PRKAR2A: variants seen among roughly 807,000 people sequenced by gnomAD.
PRKAR2A encodes cAMP-dependent protein kinase type II-alpha regulatory subunit.
A neutral mutation model predicts 51.9 loss-of-function variants in PRKAR2A; 29 were observed. The ratio of observed to expected loss-of-function variants is 0.56; its 90% CI spans 0.42 to 0.76. The LOEUF is 0.76. Among genes scored for constraint, PRKAR2A ranks in the 30% least tolerant of loss-of-function variants. The probability of loss-of-function intolerance (pLI) is 0.00; values close to 1 mark genes in which losing one functional copy is unlikely to be tolerated. For synonymous variants in PRKAR2A, 178 were observed against 186.2 expected (o/e 0.96, Z 0.36); for missense variants, 445 against 512.1 (o/e 0.87, Z 1.26).
chr3:48,837,593 T>C (rs1277311668), intron 1 of PRKAR2A, among the ~76,000 whole-genome samples: 1 of 152,140 alleles, frequency 6.6e-6, no homozygotes, highest in East Asian at 1.9e-4. Flanking sequence ...ATTCTACTCC[T>C]ATGAGAAATG....
chr3:48,826,718 G>A (rs892632170), intron 1 of PRKAR2A, among the ~76,000 whole-genome samples: 8 of 151,748 alleles, frequency 5.3e-5, no homozygotes, highest in Non-Finnish European at 1.0e-4. Flanking sequence ...GATCCAAAAG[G>A]CTCATGAATA....
At chr3:48,797,161 TA>T (rs1351273167) in intron 2 of PRKAR2A, among the ~76,000 whole-genome samples, 5 of 151,720 alleles carry the variant, frequency 3.3e-5, no homozygotes, top group African/African-American at 1.2e-4. Flanking sequence ...TATTTATTTT[TA>T]TTATTATTAT....
chr3:48,821,964 C>T (rs1016909331), intron 1 of PRKAR2A, among the ~76,000 whole-genome samples: 47 of 150,298 alleles, frequency 3.1e-4, no homozygotes, highest in African/African-American at 1.1e-3. Flanking sequence ...CAGTGTCTCA[C>T]GCCTGTAATC....
chr3:48,771,215 A>C (rs979705114), intron 6 of PRKAR2A, among the ~76,000 whole-genome samples: 2 of 151,870 alleles, frequency 1.3e-5, no homozygotes, highest in Non-Finnish European at 2.9e-5. Flanking sequence ...AAAAGAAAGA[A>C]TGTGTTATTT....
At chr3:48,754,497 C>T (rs1385506436) in intron 9 of PRKAR2A, among the ~76,000 whole-genome samples, 2 of 151,920 alleles carry the variant, frequency 1.3e-5, no homozygotes, top group African/African-American at 2.4e-5. Context: ...ATCACATGGG[C>T]GCCGGTGGCT....
intron 1 of PRKAR2A, among the ~76,000 whole-genome samples, chr3:48,823,936 A>C (rs1420066678): frequency 6.6e-6 from 1 of 151,876 alleles, no homozygotes; most frequent in Non-Finnish European, 1.5e-5. Flanking sequence ...AAATAAGAAC[A>C]AGGGCCAGGG....
chr3:48,826,606 A>G (rs1309279822), intron 1 of PRKAR2A, among the ~76,000 whole-genome samples: 3 of 152,100 alleles, frequency 2.0e-5, no homozygotes, highest in South Asian at 4.1e-4. Context: ...TTCTCTCCCC[A>G]GAGATTAGAC....
intron 2 of PRKAR2A, among the ~76,000 whole-genome samples, chr3:48,794,430 C>T (rs2082455897): frequency 6.6e-6 from 1 of 152,028 alleles, no homozygotes; most frequent in Non-Finnish European, 1.5e-5. Flanking sequence ...AATATAAATG[C>T]TCATGCCTAT....
intron 1 of PRKAR2A, among the ~76,000 whole-genome samples, chr3:48,828,562 A>T (rs2083108543): frequency 6.6e-6 from 1 of 151,932 alleles, no homozygotes; most frequent in Non-Finnish European, 1.5e-5. Flanking sequence ...CTACAAAAAA[A>T]TAGAAAAAAA....
intron 1 of PRKAR2A, among the ~76,000 whole-genome samples, chr3:48,837,997 G>A (rs1460506358): frequency 6.6e-6 from 1 of 151,518 alleles, no homozygotes; most frequent in African/African-American, 2.4e-5. Context: ...GCTAACACAG[G>A]GAAACCCCAT....
chr3:48,812,247 CA>C (rs1423374575), intron 1 of PRKAR2A, among the ~76,000 whole-genome samples: 1 of 151,946 alleles, frequency 6.6e-6, no homozygotes, highest in Admixed American at 6.6e-5. Flanking sequence ...AAAACTAGGA[CA>C]TTTTTCATTC....
downstream of PRKAR2A, among the ~76,000 whole-genome samples, chr3:48,746,303 G>A (rs1245331643): frequency 1.5e-5 from 2 of 136,088 alleles, no homozygotes; most frequent in African/African-American, 2.7e-5. Flanking sequence ...AAGACTGCTT[G>A]AGCCTAGGAG....
At chr3:48,834,158 T>A (rs2083241865) in intron 1 of PRKAR2A, among the ~76,000 whole-genome samples, 1 of 151,572 alleles carries the variant, frequency 6.6e-6, no homozygotes, top group African/African-American at 2.4e-5. Context: ...CAGTAAAAGC[T>A]CAGAAGGAGA....
chr3:48,813,788 G>A (rs2107379839), intron 1 of PRKAR2A, among the ~76,000 whole-genome samples: 1 of 152,080 alleles, frequency 6.6e-6, no homozygotes, highest in East Asian at 1.9e-4. Flanking sequence ...TAGCTGCTAT[G>A]AGCCATGTTA....
intron 1 of PRKAR2A, among the ~76,000 whole-genome samples, chr3:48,835,727 T>C (rs2107453119): frequency 6.7e-6 from 1 of 150,356 alleles, no homozygotes. Context: ...AGGCGGAGGC[T>C]GCAGTGAGCC....
At chr3:48,799,500 A>C (rs1223560867) in intron 2 of PRKAR2A, among the ~76,000 whole-genome samples, 3 of 152,204 alleles carry the variant, frequency 2.0e-5, no homozygotes, top group African/African-American at 7.2e-5. Context: ...TGGATTTCTA[A>C]ATTATTTTAA....
intron 1 of PRKAR2A, among the ~76,000 whole-genome samples, chr3:48,823,948 C>T (rs1204043802): frequency 6.6e-6 from 1 of 151,784 alleles, no homozygotes; most frequent in Non-Finnish European, 1.5e-5. Flanking sequence ...GGGCCAGGGC[C>T]GGGTATGGTG....
rs545216558 is a variant in PRKAR2A at position 48,772,152 on chromosome 3, TTG to T, written c.696+801_696+802del. Among the ~76,000 whole-genome samples, 9 of 152,296 alleles carry T rather than the reference TTG, an allele frequency of 5.9e-5. No individual in the cohort carries two copies. In the South Asian group the frequency reaches 1.2e-3, roughly 21 times the overall value. On this transcript the variant is annotated intron_variant, in intron 6 of 10. Transcript: ENST00000265563. Reference sequence around the variant, plus strand: ...TTTGCTCTATTATGTCCATAGTTGTTTGTGTGTGTGTTTAAGTTTTTAAGTGA... The same window carrying T: ...TTTGCTCTATTATGTCCATAGTTGTTTGTGTGTGTTTAAGTTTTTAAGTGA...
Position 48,763,098 on chromosome 3 carries a change from G to A in PRKAR2A, c.873+1906C>T, listed in dbSNP as rs192205677. On this transcript the variant is annotated intron_variant, in intron 8 of 10. Transcript: ENST00000265563. ...TACACTTAAACTTAGTAATTTTATT[G>A]TATGTAAAATACACTGTAACAAAGC... Among the ~76,000 whole-genome samples the A allele has an allele frequency of 6.6e-5, 10 of 152,252 alleles. No homozygotes were observed. In the East Asian group the frequency reaches 1.7e-3, roughly 26 times the overall value.
Sources: allele counts gnomAD v4.1 joint callset (sites outside exome capture counted in the v4.1 genomes callset), GRCh38; gene constraint gnomAD v4.1.1; transcripts MANE v1.5; gene names NCBI Gene and HGNC (gene_info 2026-07-23, HGNC 2026-07-21).